MEIS2: variants seen among roughly 807,000 people sequenced by gnomAD.
MEIS2 encodes the protein Meis homeobox 2.
In MEIS2, 9 loss-of-function variants were observed where a neutral mutation model predicts 58.6. That is an observed-to-expected ratio of 0.15 (90% CI 0.09 to 0.27). The LOEUF is 0.27. MEIS2 is among the 10% of genes least tolerant of loss of function. The probability of loss-of-function intolerance (pLI) is 1.00; values close to 1 mark genes in which losing one functional copy is unlikely to be tolerated. For missense variants in MEIS2, 427 were observed against 635.0 expected (o/e 0.67, Z 3.52); for synonymous variants, 221 against 228.4 (o/e 0.97, Z 0.29).
intron 8 of MEIS2, among the ~76,000 whole-genome samples, chr15:37,030,472 G>A (rs912746353): frequency 6.6e-6 from 1 of 151,918 alleles, no homozygotes; most frequent in Admixed American, 6.6e-5. Context: ...CAGTAGCTGG[G>A]ACTATAGATG....
At chr15:36,927,143 T>C (rs951336477) in intron 9 of MEIS2, among the ~76,000 whole-genome samples, 18 of 152,188 alleles carry the variant, frequency 1.2e-4, no homozygotes, top group Non-Finnish European at 1.8e-4. Context: ...TCTGACCTCA[T>C]AAATCTCAGC....
chr15:36,969,963 AT>A (rs1477576134), intron 8 of MEIS2, among the ~76,000 whole-genome samples: 1 of 152,128 alleles, frequency 6.6e-6, no homozygotes, highest in Non-Finnish European at 1.5e-5. Flanking sequence ...GTCTTCAAAT[AT>A]TTAATACTTC....
intron 7 of MEIS2, among the ~76,000 whole-genome samples, chr15:37,040,291 T>C (rs1354416153): frequency 1.3e-5 from 2 of 152,182 alleles, no homozygotes; most frequent in East Asian, 1.9e-4. Context: ...TATGAGAAGA[T>C]ACCTCCATGC....
chr15:37,056,393 T>C (rs1316631519), intron 7 of MEIS2, among the ~76,000 whole-genome samples: 1 of 152,158 alleles, frequency 6.6e-6, no homozygotes, highest in East Asian at 1.9e-4. Flanking sequence ...CTCTTCAAAA[T>C]GAGCATAATT....
Position 36,978,800 on chromosome 15 carries a change from C to G in MEIS2, c.901-28400G>C, listed in dbSNP as rs371290052. Reference sequence around the variant, plus strand: ...TATCAATAAAAATACATCTCTATTACATTTTGATGGCTGCATAATATTCCA... The same window carrying G: ...TATCAATAAAAATACATCTCTATTAGATTTTGATGGCTGCATAATATTCCA... On this transcript the variant is annotated intron_variant, in intron 8 of 11. Coordinates refer to ENST00000561208, the MANE Select transcript of MEIS2 (RefSeq NM_170675.5). 3.7e-4 allele frequency among the ~76,000 whole-genome samples: 57 copies of G among 152,240 alleles called. No homozygotes were observed. In the South Asian group the frequency reaches 0.011, roughly 29 times the overall value.
intron 8 of MEIS2, among the ~76,000 whole-genome samples, chr15:37,029,233 T>G (rs1165184313): frequency 6.6e-6 from 1 of 152,210 alleles, no homozygotes; most frequent in Admixed American, 6.5e-5. Flanking sequence ...TTCAGCTGTG[T>G]GTTCTGCATG....
At chr15:37,096,071 C>A (rs1160445406) in intron 3 of MEIS2, 6 of 523,778 alleles carry the variant, frequency 1.1e-5, no homozygotes, top group African/African-American at 1.9e-5. Flanking sequence ...CGAGGGTCGA[C>A]CCCTGTATTC....
intron 7 of MEIS2, among the ~76,000 whole-genome samples, chr15:37,053,184 G>C (rs1023840742): frequency 3.9e-5 from 6 of 152,308 alleles, no homozygotes; most frequent in Non-Finnish European, 7.3e-5. Context: ...TTTGCTGTAA[G>C]ATCAGACCTA....
At chr15:37,030,457 C>A (rs2061871289) in intron 8 of MEIS2, among the ~76,000 whole-genome samples, 1 of 152,010 alleles carries the variant, frequency 6.6e-6, no homozygotes, top group African/African-American at 2.4e-5. Flanking sequence ...GTGCCTCAGC[C>A]TCCCCAGTAG....
intron 8 of MEIS2, among the ~76,000 whole-genome samples, chr15:37,035,578 A>G (rs570125025): frequency 6.6e-6 from 1 of 152,284 alleles, no homozygotes; most frequent in South Asian, 2.1e-4. Context: ...GACCTTTGAA[A>G]TGGCCATAGC....
chr15:37,059,721 G>T (rs71468837), intron 7 of MEIS2, among the ~76,000 whole-genome samples: 30,114 of 151,724 alleles, frequency 0.2, 3,102 homozygotes, highest in East Asian at 0.31. Context: ...TGAATCAGTT[G>T]AGGCCAGGAG....
intron 7 of MEIS2, among the ~76,000 whole-genome samples, chr15:37,074,408 T>C (rs1891102995): frequency 6.6e-6 from 1 of 152,016 alleles, no homozygotes; most frequent in Admixed American, 6.6e-5. Context: ...AAGTTCATGT[T>C]ATACCCCAGA....
At chr15:37,066,156 A>T (rs1267929189) in intron 7 of MEIS2, 1 of 152,076 alleles carries the variant, frequency 6.6e-6, no homozygotes, top group Non-Finnish European at 1.5e-5. Flanking sequence ...TTGGAAAAAT[A>T]AAAAAAATTG....
intron 8 of MEIS2, among the ~76,000 whole-genome samples, chr15:36,994,034 A>C (rs1006535136): frequency 6.6e-6 from 1 of 152,140 alleles, no homozygotes; most frequent in Non-Finnish European, 1.5e-5. Flanking sequence ...CAAAAGAAAA[A>C]AAAAGTATGC....
chr15:36,896,569 A>T, intron 10 of MEIS2, 59 bp downstream of exon 10: 1 of 1,370,810 alleles, frequency 7.3e-7, no homozygotes, highest in Non-Finnish European at 1.0e-6. Flanking sequence ...CTACTGGAGT[A>T]TAACTTGATG....
intron 9 of MEIS2, among the ~76,000 whole-genome samples, chr15:36,911,049 A>G (rs2056995217): frequency 6.6e-6 from 1 of 151,338 alleles, no homozygotes; most frequent in Non-Finnish European, 1.5e-5. Flanking sequence ...TGTCTCAAAA[A>G]AAAAAAAAAA....
chr15:36,955,061 T>C (rs973066138), intron 8 of MEIS2, among the ~76,000 whole-genome samples: 11 of 152,218 alleles, frequency 7.2e-5, no homozygotes, highest in Admixed American at 2.6e-4. Flanking sequence ...TGCCAAGGAC[T>C]TAAGCCCTGA....
chr15:36,938,584 T>A (rs1449698300), intron 9 of MEIS2, among the ~76,000 whole-genome samples: 1 of 152,210 alleles, frequency 6.6e-6, no homozygotes, highest in Non-Finnish European at 1.5e-5. Context: ...TGATTCAGGT[T>A]CTGTGTAAGT....
chr15:37,094,660 T>C, intron 4 of MEIS2, 83 bp from the exon 5 acceptor site: 3 of 1,209,126 alleles, frequency 2.5e-6, no homozygotes, highest in Non-Finnish European at 2.4e-6. Flanking sequence ...GTGAGGATGG[T>C]GGTGAGAAAG....
Sources: allele counts gnomAD v4.1 joint callset (sites outside exome capture counted in the v4.1 genomes callset), GRCh38; gene constraint gnomAD v4.1.1; transcripts MANE v1.5; gene names NCBI Gene and HGNC (gene_info 2026-07-23, HGNC 2026-07-21).